The following SVOP variants were observed in gnomAD, a reference collection of about 807,000 sequenced individuals.
SVOP encodes SV2 related protein, also known as synaptic vesicle 2-related protein.
SVOP carries 17 observed loss-of-function variants against 69.1 expected under a neutral mutation model. The ratio of observed to expected loss-of-function variants is 0.25; its 90% CI spans 0.17 to 0.37. The LOEUF is 0.37. Among genes scored for constraint, SVOP ranks in the 10% least tolerant of loss-of-function variants. SVOP has a pLI of 1.00. For synonymous variants in SVOP, 238 were observed against 238.6 expected, an observed-to-expected ratio of 1.00 and a Z score of 0.02; for missense variants, 435 against 597.5, an observed-to-expected ratio of 0.73 and a Z score of 2.84.
rs942699567 is a variant in SVOP, at chr12:108,909,285, G to A, written c.*3250C>T. 6.6e-6 allele frequency: 1 copy of A among 152,118 alleles called. No homozygotes were observed. Among genetic ancestry groups the A allele is most frequent in the African/African-American group, 2.4e-5 (1 of 41,406 alleles). The allele number at this position is 152,118 out of a possible 1,614,324, so 9.4% of individuals were successfully genotyped here. A position where few individuals can be genotyped will look rare whatever the true frequency, so the allele number is the denominator to read the frequency against. ...AAGTAATTGCATTTGGGAGGCCAAGGTGGGCGGATCACTTGAGGTCAGGAG... is the reference window on the plus strand; with the variant it reads ...AAGTAATTGCATTTGGGAGGCCAAGATGGGCGGATCACTTGAGGTCAGGAG... On this transcript the variant is annotated 3_prime_UTR_variant, in exon 16 of 16. Transcript: ENST00000610966.
intron 11 of SVOP, 107 bp from the exon 12 acceptor site, chr12:108,922,904 T>C (rs1325869554): frequency 4.0e-6 from 3 of 751,752 alleles, no homozygotes; most frequent in Admixed American, 2.3e-5. Flanking sequence ...TTAGATGCCA[T>C]AGAAAGAGCC....
Position 108,978,418 on chromosome 12 carries a change from G to A in SVOP, c.282+160C>T, listed in dbSNP as rs147907527. 1,867 of 572,786 alleles carry A rather than the reference G, an allele frequency of 3.3e-3. 23 individuals carry two copies. The highest frequency in any genetic ancestry group is 0.027 in the African/African-American group (1,437 of 52,700). The allele number at this position is 572,786 out of a possible 1,614,324, so 35.5% of individuals were successfully genotyped here. ...CCAGCTCTCCTCAAGCACAGATCTC[G>A]TTATCACCACTTATTACGCCACATA... On this transcript the variant is annotated intron_variant, in intron 3 of 15. Coordinates refer to ENST00000610966, the MANE Select transcript of SVOP (RefSeq NM_018711.5).
At position 108,912,589 on chromosome 12, in the gene SVOP, G is replaced by A. The variant is rs1172006222; in HGVS notation, c.1593C>T (p.Gly531=). ...SHREWGQEMV[G]RGMHGAGVTR... is the part of the protein sequence containing the mutation. Reference sequence around the variant, plus strand: ...TAACACCTGCACCGTGCATTCCTCGGCCGACCATCTCCTGGCCCCACTCCC... The same window carrying A: ...TAACACCTGCACCGTGCATTCCTCGACCGACCATCTCCTGGCCCCACTCCC... The change falls in exon 16 of 16, where the codon GGC becomes GGT. Residue 531 remains glycine (G), a synonymous_variant. Transcript: ENST00000610966. The A allele has an allele frequency of 6.2e-7, 1 of 1,613,802 alleles. No individual in the cohort carries two copies. The highest frequency in any genetic ancestry group is 2.2e-5 in the East Asian group (1 of 44,850).
chr12:108,980,260 T>A (rs1477368967), intron 2 of SVOP, among the ~76,000 whole-genome samples: 2 of 152,198 alleles, frequency 1.3e-5, no homozygotes, highest in African/African-American at 4.8e-5. Flanking sequence ...TATCTGGGAA[T>A]AGCACAATTG....
rs931074438 is a variant in SVOP at position 108,983,748 on chromosome 12, G to A, written c.49C>T (p.Arg17Cys). 12 of 398,632 alleles carry A rather than the reference G, an allele frequency of 3.0e-5. No homozygotes were observed. Among genetic ancestry groups the A allele is most frequent in the African/African-American group, 1.2e-4 (6 of 48,636 alleles). 24.7% of individuals were successfully genotyped at this position (398,632 alleles called of 1,614,324 possible). The stretch of plus-strand genomic sequence containing the variant: ...GACCTTGCACTCTCGCCTGTGCGAC[G>A]GAATTTCACAACCCTAGAGAACAGA... Reference protein sequence around the residue: ...QLRQLPVVKFRRTGESARSED... With the variant: ...QLRQLPVVKFCRTGESARSED... The change falls in exon 2 of 16, where the codon CGT becomes TGT. Residue 17 changes from arginine to cysteine, a missense_variant. Arg to Cys is a radical substitution (Grantham distance 180). Transcript: ENST00000610966.
intron 1 of SVOP, among the ~76,000 whole-genome samples, chr12:108,996,937 A>G (rs960519193): frequency 2.0e-5 from 3 of 152,122 alleles, no homozygotes; most frequent in Admixed American, 6.6e-5. Flanking sequence ...GTCTCAAGAT[A>G]AATAAATAGA....
intron 6 of SVOP, among the ~76,000 whole-genome samples, chr12:108,946,690 TTTATTATTA>T (rs370752888): frequency 0.017 from 2,357 of 136,506 alleles, 27 homozygotes; most frequent in South Asian, 0.038. Flanking sequence ...GCAACCTGTT[TTTATTATTA>T]TTATTATTAT....
intron 1 of SVOP, among the ~76,000 whole-genome samples, chr12:109,016,410 A>C (rs941241031): frequency 5.1e-4 from 77 of 152,210 alleles, no homozygotes; most frequent in African/African-American, 1.8e-3. Context: ...GAAAGGAGAC[A>C]GTAGATTCAG....
At chr12:109,008,900 C>A (rs1241839873) in intron 1 of SVOP, among the ~76,000 whole-genome samples, 1 of 151,732 alleles carries the variant, frequency 6.6e-6, no homozygotes, top group African/African-American at 2.4e-5. Context: ...AACAAAAAGG[C>A]CTGTGCTGCA....
intron 11 of SVOP, among the ~76,000 whole-genome samples, chr12:108,933,760 G>C (rs1223029015): frequency 6.6e-6 from 1 of 152,064 alleles, no homozygotes; most frequent in African/African-American, 2.4e-5. Context: ...ACCATGTGAA[G>C]GGGCCTAGTT....
intron 1 of SVOP, among the ~76,000 whole-genome samples, chr12:109,013,749 A>G (rs532148314): frequency 6.6e-6 from 1 of 152,268 alleles, no homozygotes; most frequent in African/African-American, 2.4e-5. Flanking sequence ...ACATTGTTGT[A>G]CAATCATCAC....
intron 1 of SVOP, among the ~76,000 whole-genome samples, chr12:109,018,022 C>T (rs997348778): frequency 4.6e-5 from 7 of 152,114 alleles, no homozygotes; most frequent in South Asian, 2.1e-4. Flanking sequence ...GGTGCTTAAG[C>T]GCAAGAACCA....
chr12:108,956,456 A>G (rs998261170), intron 6 of SVOP, among the ~76,000 whole-genome samples: 78 of 152,136 alleles, frequency 5.1e-4, no homozygotes, highest in Non-Finnish European at 2.1e-4. Flanking sequence ...CCCACCCTCC[A>G]ATGCTGATCT....
chr12:108,961,637 A>C, intron 5 of SVOP, among the ~76,000 whole-genome samples: 1 of 152,180 alleles, frequency 6.6e-6, no homozygotes. Flanking sequence ...CTCAGGGTTT[A>C]TCTATGAATA....
chr12:108,919,112 C>A (rs547176868), intron 13 of SVOP, among the ~76,000 whole-genome samples: 2 of 151,400 alleles, frequency 1.3e-5, no homozygotes, highest in South Asian at 4.2e-4. Flanking sequence ...GTACCCCTAC[C>A]TGCACCCACA....
At chr12:108,945,913 A>G (rs778943317) in intron 6 of SVOP, among the ~76,000 whole-genome samples, 2 of 152,148 alleles carry the variant, frequency 1.3e-5, no homozygotes, top group Non-Finnish European at 2.9e-5. Flanking sequence ...ATCTGGTCTA[A>G]CAGATTTCTC....
intron 6 of SVOP, among the ~76,000 whole-genome samples, chr12:108,955,941 G>A (rs1229296590): frequency 6.6e-6 from 1 of 152,178 alleles, no homozygotes; most frequent in Non-Finnish European, 1.5e-5. Flanking sequence ...CAGCTATTAT[G>A]TGACAGAGCA....
intron 6 of SVOP, among the ~76,000 whole-genome samples, chr12:108,956,729 A>T (rs1054236482): frequency 1.3e-5 from 2 of 152,178 alleles, no homozygotes; most frequent in African/African-American, 2.4e-5. Flanking sequence ...GATCCATCAT[A>T]ACATTGCATG....
intron 7 of SVOP, among the ~76,000 whole-genome samples, chr12:108,943,864 T>C (rs1388952252): frequency 9.3e-6 from 1 of 107,266 alleles, no homozygotes; most frequent in African/African-American, 2.8e-5. Context: ...TTCCTCTTCT[T>C]CCTCTTCCTC....
Sources: allele counts gnomAD v4.1 joint callset (sites outside exome capture counted in the v4.1 genomes callset), GRCh38; gene constraint gnomAD v4.1.1; transcripts MANE v1.5; gene names NCBI Gene and HGNC (gene_info 2026-07-23, HGNC 2026-07-21).